The following PLXNA4 variants were observed in gnomAD, a reference collection of about 807,000 sequenced individuals.
PLXNA4 encodes plexin-A4.
Under a neutral mutation model 191.8 loss-of-function variants are expected in PLXNA4, and 44 were observed. That is an observed-to-expected ratio of 0.23 (90% CI 0.18 to 0.29). The LOEUF (loss-of-function observed/expected upper bound fraction) is 0.29. Among genes scored for constraint, PLXNA4 ranks in the 10% least tolerant of loss-of-function variants. The pLI is 1.00. For missense variants in PLXNA4, 1,800 were observed against 2,488.8 expected (o/e 0.72, Z 5.89); for synonymous variants, 1,082 against 1,009.5 (o/e 1.07, Z -1.36).
intron 3 of PLXNA4, among the ~76,000 whole-genome samples, chr7:132,393,015 CACCCT>C (rs1357950349): frequency 2.6e-5 from 4 of 152,150 alleles, no homozygotes; most frequent in African/African-American, 9.7e-5. Flanking sequence ...TACCCCATCC[CACCCT>C]ACCCCATGCC....
chr7:132,245,192 G>A (rs544808018), intron 4 of PLXNA4, among the ~76,000 whole-genome samples: 11 of 151,594 alleles, frequency 7.3e-5, no homozygotes, highest in Non-Finnish European at 1.3e-4. Context: ...GGTGAAAAAA[G>A]AAAGTAAGAG....
intron 2 of PLXNA4, among the ~76,000 whole-genome samples, chr7:132,594,778 T>A (rs1197608788): frequency 6.6e-6 from 1 of 152,148 alleles, no homozygotes; most frequent in South Asian, 2.1e-4. Context: ...CTGGACTCCA[T>A]CCCACGTAAT....
Position 132,458,570 on chromosome 7 carries a change from G to A in PLXNA4, c.1371+30722C>T, listed in dbSNP as rs1248254990. ...AGCAAAAGAAAGGAGACACAAGAGA[G>A]TATGGACTGCAGGATTCCAGGCACA... On this transcript the variant is annotated intron_variant, in intron 3 of 31. Coordinates refer to ENST00000321063, the MANE Select transcript of PLXNA4 (RefSeq NM_020911.2). Among the ~76,000 whole-genome samples the A allele has an allele frequency of 2.0e-5, 3 of 151,696 alleles. No homozygotes were observed. The East Asian group carries it at 5.9e-4, about 30-fold the overall frequency.
chr7:132,176,985 G>T (rs1181724255), intron 20 of PLXNA4, among the ~76,000 whole-genome samples: 1 of 152,206 alleles, frequency 6.6e-6, no homozygotes, highest in Non-Finnish European at 1.5e-5. Flanking sequence ...GTGCATGCAT[G>T]TGTGCATGTG....
chr7:132,410,008 T>C (rs943634031), intron 3 of PLXNA4, among the ~76,000 whole-genome samples: 2 of 152,176 alleles, frequency 1.3e-5, no homozygotes, highest in East Asian at 1.9e-4. Flanking sequence ...CTCTTTGGAA[T>C]TGAGTCCCTT....
intron 2 of PLXNA4, among the ~76,000 whole-genome samples, chr7:132,604,356 T>TAG (rs1802882793): frequency 6.6e-6 from 1 of 152,102 alleles, no homozygotes; most frequent in Non-Finnish European, 1.5e-5. Context: ...AAGAGGAACA[T>TAG]AGATATACGG....
chr7:132,133,265 TC>T, intron 30 of PLXNA4, 66 bp from the exon 31 acceptor site: 1 of 1,573,500 alleles, frequency 6.4e-7, no homozygotes, highest in Non-Finnish European at 8.6e-7. Flanking sequence ...AGATGGATGC[TC>T]CCAGCACCGT....
At chr7:132,306,712 G>A (rs1287267701) in intron 3 of PLXNA4, among the ~76,000 whole-genome samples, 2 of 152,134 alleles carry the variant, frequency 1.3e-5, no homozygotes, top group African/African-American at 4.8e-5. Context: ...AGTTGCCACA[G>A]CTGGAACCAG....
intron 2 of PLXNA4, among the ~76,000 whole-genome samples, chr7:132,625,469 C>G (rs527678676): frequency 1.7e-4 from 26 of 152,312 alleles, no homozygotes; most frequent in African/African-American, 6.3e-4. Flanking sequence ...TAGGTACTAT[C>G]TTTTCACACC....
Position 132,130,381 on chromosome 7 carries a change from C to T in PLXNA4, c.*98G>A, listed in dbSNP as rs1489236227. On this transcript the variant is annotated 3_prime_UTR_variant, in exon 32 of 32. Coordinates refer to ENST00000321063, the MANE Select transcript of PLXNA4 (RefSeq NM_020911.2). ...AAACAGCGCTGCTCAGGGGATGCTG[C>T]TGATGCCAGTCGGAACTTGCACTTG... is the stretch of plus-strand genomic sequence containing the variant. 7.1e-6 allele frequency: 11 copies of T among 1,546,962 alleles called. No homozygotes were observed. Among genetic ancestry groups the T allele is most frequent in the Non-Finnish European group, 9.8e-6 (11 of 1,124,112 alleles).
intron 5 of PLXNA4, 148 bp downstream of exon 5, chr7:132,240,918 C>A: frequency 1.8e-6 from 1 of 554,698 alleles, no homozygotes; most frequent in Non-Finnish European, 3.1e-6. Flanking sequence ...AGGGAGATAA[C>A]ATTTGGAAAG....
At chr7:132,276,755 A>T (rs1584935125) in intron 4 of PLXNA4, among the ~76,000 whole-genome samples, 1 of 152,350 alleles carries the variant, frequency 6.6e-6, no homozygotes, top group South Asian at 2.1e-4. Context: ...ATTATTTATC[A>T]AAGAAAAGAC....
At chr7:132,415,463 A>G (rs1277638588) in intron 3 of PLXNA4, among the ~76,000 whole-genome samples, 1 of 152,212 alleles carries the variant, frequency 6.6e-6, no homozygotes, top group East Asian at 1.9e-4. Context: ...GAACAGAGGT[A>G]TCAGGAGAGC....
chr7:132,508,133 C>A lies in PLXNA4; in HGVS notation c.561G>T (p.Thr187=), dbSNP rs772947706. 1.8e-5 allele frequency: 29 copies of A among 1,614,172 alleles called. No homozygotes were observed. The highest frequency in any genetic ancestry group is 2.4e-5 in the Non-Finnish European group (28 of 1,180,038). ...SNLDDKLFIA[T]AVDGKPEYFP... ...AATACTCGGGCTTCCCATCCACTGC[C>A]GTGGCAATGAACAGCTTGTCATCCA... is the stretch of plus-strand genomic sequence containing the variant. The change falls in exon 2 of 32, where the codon ACG becomes ACT. Residue 187 remains threonine (T), a synonymous_variant. Coordinates refer to ENST00000321063, the MANE Select transcript of PLXNA4 (RefSeq NM_020911.2). This position sits in a 1 kb window ranked among gnomAD's most constrained non-coding sequence, Gnocchi z 4.4.
chr7:132,156,279 G>T (rs1242008900), intron 25 of PLXNA4, among the ~76,000 whole-genome samples: 1 of 152,094 alleles, frequency 6.6e-6, no homozygotes, highest in Non-Finnish European at 1.5e-5. Context: ...CACAAGTCTG[G>T]CGAGGGAGTA....
rs200920634 is a variant in PLXNA4, at chr7:132,227,621, G to T, written c.1729-17C>A. 4 of 1,613,934 alleles carry T rather than the reference G, an allele frequency of 2.5e-6. No homozygotes were observed. The highest frequency in any genetic ancestry group is 3.4e-6 in the Non-Finnish European group (4 of 1,179,888). On this transcript the variant is annotated splice_polypyrimidine_tract_variant and intron_variant, in intron 6 of 31. Coordinates refer to ENST00000321063, the MANE Select transcript of PLXNA4 (RefSeq NM_020911.2). ...CAGGACCAGCTGTGAACAGCCAGGC[G>T]GGGGGAGAGAAGGAGGAGGGTGAAA...
At chr7:132,348,845 A>G (rs746747601) in intron 3 of PLXNA4, among the ~76,000 whole-genome samples, 25 of 152,270 alleles carry the variant, frequency 1.6e-4, no homozygotes, top group Middle Eastern at 3.4e-3. Flanking sequence ...GGTAGAGGCA[A>G]TTCTTATTAT....
intron 3 of PLXNA4, among the ~76,000 whole-genome samples, chr7:132,446,869 G>A (rs1795930303): frequency 6.6e-6 from 1 of 152,318 alleles, no homozygotes; most frequent in Admixed American, 6.5e-5. Context: ...CCCCTTTGCA[G>A]CAGGCCTGCA....
intron 3 of PLXNA4, among the ~76,000 whole-genome samples, chr7:132,473,275 C>A (rs1796997866): frequency 6.6e-6 from 1 of 152,174 alleles, no homozygotes; most frequent in Admixed American, 6.5e-5. Flanking sequence ...CTTAGCCGGA[C>A]ACTTTTGCTG....
Sources: gnomAD v4.1 joint callset for allele counts (sites outside exome capture counted in the v4.1 genomes callset) on GRCh38, gnomAD v4.1.1 for gene constraint, Gnocchi (gnomAD v3.1) non-coding constraint, MANE v1.5 for transcripts, NCBI Gene and HGNC (gene_info 2026-07-23, HGNC 2026-07-21) for gene names.